Variants in SF1 observed in about 807,000 individuals in gnomAD.
SF1 encodes the protein branch point-binding protein.
In SF1, 7 loss-of-function variants were observed where a neutral mutation model predicts 62.5. That is an observed-to-expected ratio of 0.11 (90% confidence interval 0.06 to 0.21). The LOEUF (loss-of-function observed/expected upper bound fraction) is 0.21. Among genes scored for constraint, SF1 ranks in the 10% least tolerant of loss-of-function variants. SF1 has a pLI of 1.00. For missense variants in SF1, 578 were observed against 884.0 expected (o/e 0.65, Z 4.39); for synonymous variants, 394 against 323.6 (o/e 1.22, Z -2.33).
chr11:64,768,914 C>G (rs1366587299), intron 8 of SF1, 108 bp downstream of exon 8: 2 of 814,984 alleles, frequency 2.5e-6, no homozygotes, highest in Non-Finnish European at 4.4e-6. Context: ...ACCACACTAA[C>G]AGAAAGGATG....
At chr11:64,766,859 C>G in intron 12 of SF1, 41 bp downstream of exon 12, 3 of 604,400 alleles carry the variant, frequency 5.0e-6, no homozygotes, top group Non-Finnish European at 8.7e-6. Flanking sequence ...AGCCCCACCC[C>G]CATCCCACCC....
intron 12 of SF1, chr11:64,766,680 C>G (rs2058696566): frequency 4.4e-6 from 2 of 456,000 alleles, no homozygotes; most frequent in Non-Finnish European, 7.7e-6. Context: ...CCCCTCCAGG[C>G]CCCCACGAAC....
chr11:64,765,587 C>T lies in SF1; in HGVS notation c.*231G>A, dbSNP rs2058591562. 5.2e-6 allele frequency: 8 copies of T among 1,534,624 alleles called. No homozygotes were observed. Among genetic ancestry groups the T allele is most frequent in the East Asian group, 2.3e-5 (1 of 43,248 alleles). ...AGAGAAAGAAGACAAAGAAGACACT[C>T]GATGCTACGGGGCGCCAGGAGAGCC... On this transcript the variant is annotated 3_prime_UTR_variant, in exon 13 of 13. Coordinates refer to ENST00000377390, the MANE Select transcript of SF1 (RefSeq NM_004630.4).
Position 64,765,142 on chromosome 11 carries a change from A to T in SF1, c.*676T>A. 1 of 275,906 alleles carries T rather than the reference A, an allele frequency of 3.6e-6. No homozygotes were observed. The highest frequency in any genetic ancestry group is 6.4e-5 in the East Asian group (1 of 15,664). The allele number at this position is 275,906 out of a possible 1,614,324, so 17.1% of individuals were successfully genotyped here. On this transcript the variant is annotated 3_prime_UTR_variant, in exon 13 of 13. Coordinates refer to ENST00000377390, the MANE Select transcript of SF1 (RefSeq NM_004630.4). ...GGCTATGGCACCTTGAAAAACCCAC[A>T]ACCAGCTTGACATGAATGGCCAAAG...
At chr11:64,777,853 C>T in intron 1 of SF1, 1 of 938,712 alleles carries the variant, frequency 1.1e-6, no homozygotes, top group Non-Finnish European at 1.3e-6. Flanking sequence ...CGCCCAGGGG[C>T]GCCTCCGCCC....
Position 64,768,170 on chromosome 11 carries a change from G to A in SF1, c.1004C>T (p.Pro335Leu). 1 of 1,613,926 alleles carries A rather than the reference G, an allele frequency of 6.2e-7. No individual in the cohort carries two copies. The highest frequency in any genetic ancestry group is 8.5e-7 in the Non-Finnish European group (1 of 1,179,928). The change falls in exon 9 of 13, where the codon CCT becomes CTT. Residue 335 changes from proline to leucine, a missense_variant. Physicochemically the swap from Pro to Leu is moderately conservative, Grantham distance 98. Transcript: ENST00000377390. ...VPASVGSTSG[P>L]ATTPLASAPR... ...TGCGCTGGCCAGGGGTGTGGTGGCA[G>A]GCCCAGAGGTGGAGCCCACAGATGC...
chr11:64,776,724 G>A (rs898427305), intron 1 of SF1, 98 bp from the exon 2 acceptor site: 50 of 1,150,214 alleles, frequency 4.3e-5, no homozygotes, highest in Non-Finnish European at 5.5e-5. Flanking sequence ...TCAGCAGACT[G>A]TGAAGCTGAG....
At chr11:64,767,963 C>T in intron 9 of SF1, 119 bp from the exon 10 acceptor site, 3 of 1,462,098 alleles carry the variant, frequency 2.1e-6, no homozygotes, top group Non-Finnish European at 2.8e-6. Context: ...GTGAGAAGTC[C>T]CCAAACTGGC....
In SF1 at chr11:64,769,221, A is replaced by G. The variant is rs1937899911; in HGVS notation, c.779+2T>C. The G allele has an allele frequency of 1.2e-6, 2 of 1,612,990 alleles. No homozygotes were observed. Among genetic ancestry groups the G allele is most frequent in the South Asian group, 1.1e-5 (1 of 91,052 alleles). On this transcript the variant is annotated splice_donor_variant, in intron 7 of 12. Transcript: ENST00000377390. LOFTEE classifies it high-confidence loss of function. Reference sequence around the variant, plus strand: ...ACACTCTCCTTTAAACTGATCACATACCTGTTATCGTCTTCCCGAAGGGTC... The same window carrying G: ...ACACTCTCCTTTAAACTGATCACATGCCTGTTATCGTCTTCCCGAAGGGTC...
rs751010720 is a variant in SF1, at chr11:64,769,613, G to C, written c.480-4C>G. On this transcript the variant is annotated splice_polypyrimidine_tract_variant and splice_region_variant and intron_variant, in intron 5 of 12. Transcript: ENST00000377390. Reference sequence around the variant, plus strand: ...TATGTTCTTCAGGGTGTTCCCTCTAGAGAGGCAGAAATGACTAAGTTTATA... The same window carrying C: ...TATGTTCTTCAGGGTGTTCCCTCTACAGAGGCAGAAATGACTAAGTTTATA... 25 of 1,612,250 alleles carry C rather than the reference G, an allele frequency of 1.6e-5. No homozygotes were observed. Among genetic ancestry groups the C allele is most frequent in the Middle Eastern group, 1.6e-4 (1 of 6,080 alleles).
At position 64,769,019 on chromosome 11, in the gene SF1, C is replaced by T; in HGVS notation, c.887+3G>A. 6.2e-7 allele frequency: 1 copy of T among 1,607,268 alleles called. No homozygotes were observed. The highest frequency in any genetic ancestry group is 1.7e-4 in the Middle Eastern group (1 of 6,046). ...CAGGAAACCGCAAGAGCCAGCCCCT[C>T]ACCTTTGGAATTTACAGTCTGAAGC... On this transcript the variant is annotated splice_donor_region_variant and intron_variant, in intron 8 of 12. Transcript: ENST00000377390.
chr11:64,772,265 A>AG, intron 3 of SF1: 1 of 985,212 alleles, frequency 1.0e-6, no homozygotes, highest in Non-Finnish European at 1.2e-6. Flanking sequence ...ATATTATTAA[A>AG]GGGAAAAAGG....
At chr11:64,767,140 C>T in intron 11 of SF1, 52 bp downstream of exon 11, 1 of 1,612,902 alleles carries the variant, frequency 6.2e-7, no homozygotes. Context: ...GGGCCAGAAC[C>T]CCCACTCACC....
At chr11:64,776,362 AGAT>A (rs545225867) in intron 2 of SF1, 133 bp downstream of exon 2, 11 of 942,282 alleles carry the variant, frequency 1.2e-5, no homozygotes, top group East Asian at 2.6e-5. Context: ...AAAAACTGAC[AGAT>A]GATACCAAAG....
At chr11:64,776,313 G>T (rs910860546) in intron 2 of SF1, 185 bp downstream of exon 2, 51 of 619,298 alleles carry the variant, frequency 8.2e-5, no homozygotes, top group Non-Finnish European at 1.4e-4. Flanking sequence ...GTTACGAACA[G>T]ACCAAAACAA....
chr11:64,771,991 G>A (rs1450713939), intron 3 of SF1: 1 of 985,340 alleles, frequency 1.0e-6, no homozygotes, highest in Non-Finnish European at 1.2e-6. Context: ...CAGCTGTCTA[G>A]AATTAAGCAT....
rs202078467 is a variant in SF1 at position 64,767,029 on chromosome 11, G to A, written c.1453C>T (p.Pro485Ser). 8 of 1,550,736 alleles carry A rather than the reference G, an allele frequency of 5.2e-6. No homozygotes were observed. In the Admixed American group the frequency reaches 1.5e-4, roughly 30 times the overall value. Residue 485 changes from proline (P) to serine (S), a missense_variant, in exon 12 of 13, where the codon CCC becomes TCC. Pro to Ser is a moderately conservative substitution (Grantham distance 74). Coordinates refer to ENST00000377390, the MANE Select transcript of SF1 (RefSeq NM_004630.4). ...MGMMPPPPPP[P>S]SGQPPPPPSG... The stretch of plus-strand genomic sequence containing the variant: ...GGAGGGGGTGGGGGCTGCCCACTGG[G>A]AGGCGGCGGCGGCGGCGGCATCATG...
chr11:64,771,889 A>G (rs1268692946), intron 3 of SF1: 1 of 985,320 alleles, frequency 1.0e-6, no homozygotes, highest in African/African-American at 1.7e-5. Context: ...CCAATCAGGC[A>G]TTAGGGCCTC....
chr11:64,769,219 A>T lies in SF1; in HGVS notation c.779+4T>A. 3 of 1,613,564 alleles carry T rather than the reference A, an allele frequency of 1.9e-6. No individual in the cohort carries two copies. Among genetic ancestry groups the T allele is most frequent in the Non-Finnish European group, 2.5e-6 (3 of 1,179,464 alleles). On this transcript the variant is annotated splice_donor_region_variant and intron_variant, in intron 7 of 12. Transcript: ENST00000377390. Reference sequence around the variant, plus strand: ...CTACACTCTCCTTTAAACTGATCACATACCTGTTATCGTCTTCCCGAAGGG... The same window carrying T: ...CTACACTCTCCTTTAAACTGATCACTTACCTGTTATCGTCTTCCCGAAGGG...
Sources: gnomAD v4.1 joint callset for allele counts on GRCh38, gnomAD v4.1.1 for gene constraint, MANE v1.5 for transcripts, NCBI Gene and HGNC (gene_info 2026-07-23, HGNC 2026-07-21) for gene names.